The following RNF216 variants were observed in gnomAD, a reference collection of about 807,000 sequenced individuals.
RNF216 encodes E3 ubiquitin-protein ligase RNF216.
In RNF216, 72 loss-of-function variants were observed where a neutral mutation model predicts 110.8. The observed-to-expected ratio is 0.65, with a 90% CI of 0.54 to 0.79. RNF216 has a LOEUF of 0.79. Ranked by LOEUF, RNF216 falls within the 30% of genes least tolerant of loss-of-function variation. The pLI is 0.00. For synonymous variants in RNF216, 495 were observed against 407.5 expected (o/e 1.21, Z -2.59); for missense variants, 1,342 against 1,141.2 (o/e 1.18, Z -2.54).
chr7:5,709,990 GAGA>G (rs1792562738), intron 13 of RNF216, among the ~76,000 whole-genome samples: 1 of 152,194 alleles, frequency 6.6e-6, no homozygotes, highest in Non-Finnish European at 1.5e-5. Context: ...CTAGTCTCAA[GAGA>G]TCCTCCTGCC....
chr7:5,761,514 G>A (rs926367428), intron 1 of RNF216, among the ~76,000 whole-genome samples: 1 of 152,196 alleles, frequency 6.6e-6, no homozygotes, highest in East Asian at 1.9e-4. Context: ...TCAGCCAGAC[G>A]CAGTGGCTCA....
chr7:5,706,751 G>A (rs1792316423), intron 13 of RNF216, among the ~76,000 whole-genome samples: 1 of 152,106 alleles, frequency 6.6e-6, no homozygotes, highest in African/African-American at 2.4e-5. Flanking sequence ...CTCTGTTGAT[G>A]GTTTCCTTTG....
chr7:5,765,923 A>T (rs888074603), intron 1 of RNF216, among the ~76,000 whole-genome samples: 1 of 145,266 alleles, frequency 6.9e-6, no homozygotes, highest in African/African-American at 2.5e-5. Flanking sequence ...ACTGCAGTCC[A>T]GCCTGAGCGA....
At chr7:5,712,029 G>A (rs1792734126) in intron 12 of RNF216, 190 bp from the exon 13 acceptor site, 4 of 583,440 alleles carry the variant, frequency 6.9e-6, no homozygotes, top group African/African-American at 1.9e-5. Context: ...GGAAACATAA[G>A]CACCACATGA....
At chr7:5,685,557 C>T (rs73064604) in intron 13 of RNF216, among the ~76,000 whole-genome samples, 18,270 of 152,216 alleles carry the variant, frequency 0.12, 1,228 homozygotes, top group African/African-American at 0.17. Flanking sequence ...AATTCTATTA[C>T]TTTTTCCTCT....
At chr7:5,711,633 A>T (rs1792697070) in intron 13 of RNF216, 128 bp downstream of exon 13, 3 of 738,340 alleles carry the variant, frequency 4.1e-6, no homozygotes. Context: ...TCATTTGCTT[A>T]TGAAAAGGAA....
rs757906900 is a variant in RNF216 at position 5,725,441 on chromosome 7, A to G, written c.1390-3T>C. 22 of 1,531,450 alleles carry G rather than the reference A, an allele frequency of 1.4e-5. 1 individual carries two copies. Among genetic ancestry groups the G allele is most frequent in the Non-Finnish European group, 2.0e-5 (22 of 1,107,996 alleles). The allele number at this position is 1,531,450 out of a possible 1,614,324, so 94.9% of individuals were successfully genotyped here. A position where few individuals can be genotyped will look rare whatever the true frequency, so the allele number is the denominator to read the frequency against. On this transcript the variant is annotated splice_polypyrimidine_tract_variant and splice_region_variant and intron_variant, in intron 7 of 16. Coordinates refer to ENST00000389902, the MANE Select transcript of RNF216 (RefSeq NM_207111.4). ...TTTTTAATGGCATCAGACAAGGCCT[A>G]AAAATTGAGAAAAGGAAAGGTTCCT... is the stretch of plus-strand genomic sequence containing the variant.
At chr7:5,738,354 G>C (rs1348922646) in intron 5 of RNF216, among the ~76,000 whole-genome samples, 1 of 151,882 alleles carries the variant, frequency 6.6e-6, no homozygotes, top group Non-Finnish European at 1.5e-5. Context: ...GCCTCCCAAA[G>C]TGCCAGAATT....
intron 1 of RNF216, among the ~76,000 whole-genome samples, chr7:5,774,228 A>C (rs1185161364): frequency 6.6e-6 from 1 of 152,198 alleles, no homozygotes; most frequent in Admixed American, 6.5e-5. Flanking sequence ...TAAATTGTTC[A>C]ATCTCCTAGG....
chr7:5,729,973 A>T (rs1367258036), intron 6 of RNF216, among the ~76,000 whole-genome samples: 1 of 152,230 alleles, frequency 6.6e-6, no homozygotes, highest in Admixed American at 6.5e-5. Context: ...GTTAGTTCTC[A>T]ACCATACTTG....
Position 5,620,596 on chromosome 7 carries a change from T to C in RNF216, c.*2264A>G, listed in dbSNP as rs1275462052. 1 of 151,744 alleles carries C rather than the reference T, an allele frequency of 6.6e-6. No homozygotes were observed. The highest frequency in any genetic ancestry group is 2.4e-5 in the African/African-American group (1 of 40,894). 9.4% of individuals were successfully genotyped at this position (151,744 alleles called of 1,614,324 possible). A position where few individuals can be genotyped will look rare whatever the true frequency, so the allele number is the denominator to read the frequency against. On this transcript the variant is annotated 3_prime_UTR_variant, in exon 17 of 17. Transcript: ENST00000389902. Reference sequence around the variant, plus strand: ...GAGGATCCTCAGGAATCAGGGACCCTCCAAGGAAAGAGGCCGCCGCTCCTT... The same window carrying C: ...GAGGATCCTCAGGAATCAGGGACCCCCCAAGGAAAGAGGCCGCCGCTCCTT...
intron 11 of RNF216, chr7:5,713,386 A>T (rs1257565296): frequency 6.5e-6 from 1 of 153,310 alleles, no homozygotes; most frequent in Admixed American, 6.5e-5. Context: ...CTGGACTGGA[A>T]ACCACTCATA....
At chr7:5,710,947 G>T (rs1249236552) in intron 13 of RNF216, among the ~76,000 whole-genome samples, 2 of 152,152 alleles carry the variant, frequency 1.3e-5, no homozygotes, top group Non-Finnish European at 1.5e-5. Context: ...AAAATGGCCA[G>T]AAATATTAAT....
At chr7:5,736,077 A>C (rs1279988805) in intron 5 of RNF216, among the ~76,000 whole-genome samples, 1 of 151,854 alleles carries the variant, frequency 6.6e-6, no homozygotes, top group African/African-American at 2.4e-5. Flanking sequence ...TAGGTGACAG[A>C]GTGAGACTCC....
intron 13 of RNF216, 67 bp downstream of exon 13, chr7:5,711,694 T>C (rs1157552510): frequency 7.9e-7 from 1 of 1,265,930 alleles, no homozygotes; most frequent in Non-Finnish European, 1.1e-6. Flanking sequence ...AGCAGATATT[T>C]GGGCCATGAG....
intron 6 of RNF216, among the ~76,000 whole-genome samples, chr7:5,730,230 T>C (rs1794008365): frequency 6.6e-6 from 1 of 152,174 alleles, no homozygotes; most frequent in South Asian, 2.1e-4. Context: ...TATCATGAAA[T>C]GAAACATAAC....
At chr7:5,710,382 A>C (rs1327595369) in intron 13 of RNF216, among the ~76,000 whole-genome samples, 3 of 149,446 alleles carry the variant, frequency 2.0e-5, no homozygotes, top group East Asian at 1.9e-4. Context: ...CAAAAACAAA[A>C]ACAAAAAACG....
In RNF216 at chr7:5,730,737, A is replaced by G; in HGVS notation, c.1202T>C (p.Leu401Pro). The stretch of plus-strand genomic sequence containing the variant: ...TGCCTTTGTCTCATCTTGGCTGGCC[A>G]GCAGACTGCTACTGGGATTTATAAT... ...RIIINPSSSL[L>P]ASQDETKLPK... The change falls in exon 6 of 17, where the codon CTG becomes CCG. Residue 401 changes from leucine to proline, a missense_variant. Transcript: ENST00000389902. 6.2e-7 allele frequency: 1 copy of G among 1,609,652 alleles called. No homozygotes were observed. The highest frequency in any genetic ancestry group is 8.5e-7 in the Non-Finnish European group (1 of 1,177,200).
chr7:5,748,791 G>C (rs977012998), intron 3 of RNF216, among the ~76,000 whole-genome samples: 1 of 152,070 alleles, frequency 6.6e-6, no homozygotes, highest in Non-Finnish European at 1.5e-5. Flanking sequence ...AAGTTTTTGG[G>C]GAGTCAAAAG....
Sources: allele counts gnomAD v4.1 joint callset (sites outside exome capture counted in the v4.1 genomes callset), GRCh38; gene constraint gnomAD v4.1.1; transcripts MANE v1.5; gene names NCBI Gene and HGNC (gene_info 2026-07-23, HGNC 2026-07-21).